GLIS3: variants seen among roughly 807,000 people sequenced by gnomAD.
GLIS3 encodes the protein GLIS family zinc finger 3.
A neutral mutation model predicts 78.6 loss-of-function variants in GLIS3; 53 were observed. That is an observed-to-expected ratio of 0.67 (90% confidence interval 0.54 to 0.85). The LOEUF (loss-of-function observed/expected upper bound fraction) is 0.85, where lower values mean the gene tolerates loss of function less well. GLIS3 is among the 40% of genes least tolerant of loss of function. GLIS3 has a pLI of 0.00. For missense variants in GLIS3, 1,703 were observed against 1,231.1 expected, an observed-to-expected ratio of 1.38 and a Z score of -5.74; for synonymous variants, 684 against 509.9, an observed-to-expected ratio of 1.34 and a Z score of -4.60.
At chr9:4,472,283 T>G in the GLIS3 span, among the ~76,000 whole-genome samples, 255 of 152,346 alleles carry the variant, frequency 1.7e-3, no homozygotes, top group African/African-American at 5.9e-3. Context: ...TTATAAATCA[T>G]GCTACTATAA....
chr9:4,080,864 T>C (rs3925025), intron 4 of GLIS3, among the ~76,000 whole-genome samples: 1 of 152,068 alleles, frequency 6.6e-6, no homozygotes, highest in South Asian at 2.1e-4. Flanking sequence ...TGGATCATCT[T>C]GACCCCCGGG....
chr9:3,934,169 G>C (rs2130785183), intron 5 of GLIS3, among the ~76,000 whole-genome samples: 1 of 152,228 alleles, frequency 6.6e-6, no homozygotes, highest in East Asian at 1.9e-4. Context: ...TTTAACCTGG[G>C]AATCTTTTCT....
chr9:4,152,555 T>C (rs927322), intron 2 of GLIS3, among the ~76,000 whole-genome samples: 39,365 of 152,090 alleles, frequency 0.26, 6,740 homozygotes, highest in African/African-American at 0.49. Context: ...AAAATGCAGG[T>C]GAGTAATTAA....
the GLIS3 span, among the ~76,000 whole-genome samples, chr9:4,428,243 T>C: frequency 1.3e-5 from 2 of 151,138 alleles, no homozygotes; most frequent in African/African-American, 4.9e-5. Flanking sequence ...CTTTGGGAGG[T>C]TGAGGCGGGC....
chr9:3,893,413 C>A (rs1188219051), intron 7 of GLIS3, among the ~76,000 whole-genome samples: 1 of 152,162 alleles, frequency 6.6e-6, no homozygotes, highest in Non-Finnish European at 1.5e-5. Context: ...TGCAGATGAG[C>A]CCTGTGCTGG....
intron 2 of GLIS3, among the ~76,000 whole-genome samples, chr9:4,334,450 T>C (rs908016304): frequency 3.9e-5 from 6 of 152,210 alleles, no homozygotes; most frequent in Admixed American, 3.9e-4. Flanking sequence ...CCTCCACCCT[T>C]CCTGAAACAA....
At chr9:4,408,932 G>A in the GLIS3 span, among the ~76,000 whole-genome samples, 1 of 151,596 alleles carries the variant, frequency 6.6e-6, no homozygotes, top group East Asian at 1.9e-4. Context: ...GCATACCTGT[G>A]CCAAAATATC....
intron 2 of GLIS3, among the ~76,000 whole-genome samples, chr9:4,228,924 A>G (rs1026888853): frequency 2.0e-5 from 3 of 152,186 alleles, no homozygotes; most frequent in Admixed American, 2.0e-4. Context: ...TCTAAAATAA[A>G]ACAAACATGT....
At chr9:4,420,387 C>T in the GLIS3 span, among the ~76,000 whole-genome samples, 8 of 152,100 alleles carry the variant, frequency 5.3e-5, no homozygotes, top group Admixed American at 1.3e-4. Context: ...ACTAACCTAA[C>T]GAGAAGAAGG....
intron 2 of GLIS3, among the ~76,000 whole-genome samples, chr9:4,209,787 C>G (rs1820222103): frequency 6.8e-6 from 1 of 146,360 alleles, no homozygotes; most frequent in Non-Finnish European, 1.5e-5. Flanking sequence ...TCCCTGTCCA[C>G]TGTCCACCAG....
chr9:4,417,683 A>G, the GLIS3 span, among the ~76,000 whole-genome samples: 3 of 152,200 alleles, frequency 2.0e-5, no homozygotes, highest in African/African-American at 7.2e-5. Context: ...TTAAATATCA[A>G]TAAATTTTGT....
At chr9:3,900,863 C>G (rs1243762092) in intron 6 of GLIS3, 1 of 152,072 alleles carries the variant, frequency 6.6e-6, no homozygotes. Flanking sequence ...CACGGTTGAG[C>G]CATTGTGACC....
chr9:4,343,870 C>T (rs143074806), intron 2 of GLIS3, among the ~76,000 whole-genome samples: 1 of 152,024 alleles, frequency 6.6e-6, no homozygotes, highest in Admixed American at 6.6e-5. Context: ...ACATTGAGTA[C>T]ACATGGACTC....
intron 7 of GLIS3, among the ~76,000 whole-genome samples, chr9:3,897,929 ATG>A (rs1822980425): frequency 2.0e-5 from 3 of 152,322 alleles, no homozygotes; most frequent in Admixed American, 6.5e-5. Flanking sequence ...ATTGTCTGGA[ATG>A]TGGAGCTGGT....
the GLIS3 span, among the ~76,000 whole-genome samples, chr9:4,353,993 A>ATTTTTTTTT: frequency 0.11 from 14,192 of 134,478 alleles, 769 homozygotes; most frequent in Middle Eastern, 0.17. Context: ...ACACCCGGCT[A>ATTTTTTTTT]TTTTTTTTTT....
Position 3,884,229 on chromosome 9 carries a change from CAT to C in GLIS3, c.2129-4636_2129-4635del, listed in dbSNP as rs1821921588. Among the ~76,000 whole-genome samples, 3 of 152,138 alleles carry C rather than the reference CAT, an allele frequency of 2.0e-5. No homozygotes were observed. The South Asian group carries it at 6.2e-4, about 32-fold the overall frequency. On this transcript the variant is annotated intron_variant, in intron 7 of 10. Coordinates refer to ENST00000381971, the MANE Select transcript of GLIS3 (RefSeq NM_001042413.2). ...ACCCTTGGGGTTACTTCAGCTGTAA[CAT>C]ATTTATTGTGTGGATGGAGGGAGGC...
At chr9:4,463,205 G>A in the GLIS3 span, among the ~76,000 whole-genome samples, 1 of 152,196 alleles carries the variant, frequency 6.6e-6, no homozygotes. Context: ...TTTTACTAAT[G>A]GTGGGGAAAG....
chr9:4,072,879 A>G (rs746351008), intron 4 of GLIS3, among the ~76,000 whole-genome samples: 1 of 152,196 alleles, frequency 6.6e-6, no homozygotes, highest in Non-Finnish European at 1.5e-5. Context: ...TTATCATTTT[A>G]TAGTTCACGT....
chr9:4,326,599 T>A (rs533505488), intron 2 of GLIS3, among the ~76,000 whole-genome samples: 1 of 152,100 alleles, frequency 6.6e-6, no homozygotes, highest in Admixed American at 6.5e-5. Context: ...TGATGAAAAA[T>A]GCTGGAGAGC....
Sources: gnomAD v4.1 joint callset for allele counts (sites outside exome capture counted in the v4.1 genomes callset) on GRCh38, gnomAD v4.1.1 for gene constraint, MANE v1.5 for transcripts, NCBI Gene and HGNC (gene_info 2026-07-23, HGNC 2026-07-21) for gene names.